The following ZNF385D variants were observed in gnomAD, a reference collection of about 807,000 sequenced individuals.
The protein encoded by ZNF385D is zinc finger protein 659.
A neutral mutation model predicts 35.8 loss-of-function variants in ZNF385D; 15 were observed. The observed-to-expected ratio is 0.42, with a 90% CI of 0.28 to 0.64. The LOEUF is 0.64. Ranked by LOEUF, ZNF385D falls within the 30% of genes least tolerant of loss-of-function variation. The pLI, the probability that ZNF385D is intolerant of heterozygous loss-of-function variation, is 0.23. For missense variants in ZNF385D, 474 were observed against 494.6 expected, an observed-to-expected ratio of 0.96 and a Z score of 0.39; for synonymous variants, 212 against 186.8, an observed-to-expected ratio of 1.13 and a Z score of -1.10.
At chr3:21,835,120 A>G (rs2670262) in intron 3 of ZNF385D, among the ~76,000 whole-genome samples, 135,589 of 151,966 alleles carry the variant, frequency 0.89, 60,744 homozygotes, top group African/African-American at 0.96. Flanking sequence ...CACATTCATC[A>G]ACATTTAGTT....
intron 3 of ZNF385D, among the ~76,000 whole-genome samples, chr3:22,153,554 C>A (rs1705402007): frequency 6.6e-6 from 1 of 151,412 alleles, no homozygotes; most frequent in South Asian, 2.1e-4. Flanking sequence ...AACTCCCCCT[C>A]CTGGGTCCAA....
intron 3 of ZNF385D, among the ~76,000 whole-genome samples, chr3:21,976,269 G>C (rs1703618542): frequency 6.6e-6 from 1 of 152,034 alleles, no homozygotes; most frequent in African/African-American, 2.4e-5. Flanking sequence ...TTAAGTAATA[G>C]GACCAGAAGA....
rs139043249 is a variant in ZNF385D at position 22,156,377 on chromosome 3, G to T, written c.325+12440C>A. 7.1e-3 allele frequency among the ~76,000 whole-genome samples: 1,075 copies of T among 151,666 alleles called. 5 individuals carry two copies. The highest frequency in any genetic ancestry group is 0.041 in the Middle Eastern group (12 of 294). ...AGCAAGACCAGATGCAAACTGTGGT[G>T]TACACAGCCCCCCTGCCCCTGCACA... On this transcript the variant is annotated intron_variant, in intron 3 of 5. Coordinates refer to the ZNF385D transcript ENST00000494108.
At chr3:21,768,531 AT>A (rs761111697) in intron 3 of ZNF385D, among the ~76,000 whole-genome samples, 6 of 151,904 alleles carry the variant, frequency 3.9e-5, no homozygotes, top group Non-Finnish European at 4.4e-5. Context: ...ATTTTTATCA[AT>A]TTTAGCTCTT....
At chr3:21,947,858 T>C (rs1027167363) in intron 3 of ZNF385D, among the ~76,000 whole-genome samples, 8 of 152,200 alleles carry the variant, frequency 5.3e-5, no homozygotes, top group South Asian at 2.1e-4. Context: ...CTATATTTAA[T>C]AGAATTTGTT....
intron 4 of ZNF385D, among the ~76,000 whole-genome samples, chr3:21,464,801 T>A (rs1703410463): frequency 6.8e-6 from 1 of 147,670 alleles, no homozygotes; most frequent in Non-Finnish European, 1.5e-5. Flanking sequence ...AATTTCTGGA[T>A]AAGAGAAAAA....
chr3:22,346,366 G>A (rs1372099170), intron 2 of ZNF385D, among the ~76,000 whole-genome samples: 2 of 152,096 alleles, frequency 1.3e-5, no homozygotes, highest in African/African-American at 4.8e-5. Flanking sequence ...GCACTGTACT[G>A]GGATATCTTC....
At position 21,790,858 on chromosome 3, in the gene ZNF385D, T is replaced by A. The variant is rs572430854; in HGVS notation, c.326-125830A>T. On this transcript the variant is annotated intron_variant, in intron 3 of 5. Coordinates refer to the ZNF385D transcript ENST00000494108. Reference sequence around the variant, plus strand: ...TCGTAAAGATTGTAAATTTATAGAATGTGAAATTTGATAGCTAGATTTTTT... The same window carrying A: ...TCGTAAAGATTGTAAATTTATAGAAAGTGAAATTTGATAGCTAGATTTTTT... Among the ~76,000 whole-genome samples the A allele has an allele frequency of 1.1e-4, 17 of 152,338 alleles. No individual in the cohort carries two copies. The South Asian group carries it at 3.1e-3, about 28-fold the overall frequency.
intron 2 of ZNF385D, among the ~76,000 whole-genome samples, chr3:22,289,407 G>A (rs1004107807): frequency 1.3e-5 from 2 of 152,090 alleles, no homozygotes; most frequent in African/African-American, 2.4e-5. Context: ...TTTATCACTG[G>A]CATAAGCCAG....
chr3:22,163,082 G>T (rs1349088577), intron 3 of ZNF385D, among the ~76,000 whole-genome samples: 1 of 152,140 alleles, frequency 6.6e-6, no homozygotes, highest in Non-Finnish European at 1.5e-5. Context: ...GCAAGGAGCT[G>T]GGACTTTGTA....
intron 3 of ZNF385D, among the ~76,000 whole-genome samples, chr3:22,127,008 G>A (rs1322553714): frequency 6.6e-6 from 1 of 151,614 alleles, no homozygotes; most frequent in Admixed American, 6.6e-5. Flanking sequence ...GTTCTTTTTT[G>A]GCTTTCATTA....
intron 1 of ZNF385D, among the ~76,000 whole-genome samples, chr3:21,671,952 T>C (rs2066589885): frequency 6.6e-6 from 1 of 152,184 alleles, no homozygotes; most frequent in Non-Finnish European, 1.5e-5. Flanking sequence ...ATTTACATTC[T>C]TTAACATCTG....
intron 3 of ZNF385D, among the ~76,000 whole-genome samples, chr3:21,884,295 C>G (rs890492919): frequency 2.6e-5 from 4 of 152,102 alleles, no homozygotes; most frequent in South Asian, 4.1e-4. Flanking sequence ...GCCTTGCAAA[C>G]AGTAGACAAC....
chr3:22,284,118 T>C (rs922209377), intron 2 of ZNF385D, among the ~76,000 whole-genome samples: 22 of 152,124 alleles, frequency 1.4e-4, no homozygotes, highest in African/African-American at 5.1e-4. Context: ...CCATTCTATA[T>C]CCACCAATAA....
At chr3:21,510,754 A>T in intron 4 of ZNF385D, 107 bp downstream of exon 4, 1 of 1,403,622 alleles carries the variant, frequency 7.1e-7, no homozygotes, top group Non-Finnish European at 9.9e-7. Context: ...TGGCTCAAGC[A>T]TGAATCAATA....
rs1164001608 is a variant in ZNF385D, at chr3:21,938,429, A to G, written c.325+230388T>C. The stretch of plus-strand genomic sequence containing the variant: ...GGCAGAGATTGGAGAGAATGAAAGT[A>G]GGCCAGATGTTTCTAGGCAATTATT... On this transcript the variant is annotated intron_variant, in intron 3 of 5. Coordinates refer to the ZNF385D transcript ENST00000494108. Among the ~76,000 whole-genome samples, 3 of 152,194 alleles carry G rather than the reference A, an allele frequency of 2.0e-5. No homozygotes were observed. The East Asian group carries it at 5.8e-4, about 29-fold the overall frequency.
chr3:22,372,399 C>G (rs1696953251), intron 2 of ZNF385D: 2 of 968,438 alleles, frequency 2.1e-6, no homozygotes, highest in South Asian at 9.5e-5. Flanking sequence ...CCCGGCGCCC[C>G]AACGAACTCC....
chr3:22,069,048 C>A (rs1261751323), intron 3 of ZNF385D, among the ~76,000 whole-genome samples: 1 of 152,186 alleles, frequency 6.6e-6, no homozygotes, highest in Non-Finnish European at 1.5e-5. Flanking sequence ...GCTGCCACAT[C>A]TCTAAAATTA....
intron 2 of ZNF385D, among the ~76,000 whole-genome samples, chr3:21,636,378 T>TATATATATATA (rs2065437484): frequency 1.9e-4 from 9 of 47,982 alleles, no homozygotes; most frequent in African/African-American, 7.2e-4. Flanking sequence ...ATATATATGA[T>TATATATATATA]TATATATATA....
Sources: gnomAD v4.1 joint callset for allele counts (sites outside exome capture counted in the v4.1 genomes callset) on GRCh38, gnomAD v4.1.1 for gene constraint, MANE v1.5 for transcripts, NCBI Gene and HGNC (gene_info 2026-07-23, HGNC 2026-07-21) for gene names.